RAVER2: variants seen among roughly 807,000 people sequenced by gnomAD.
RAVER2 encodes the protein ribonucleoprotein, PTB binding 2.
In RAVER2, 46 loss-of-function variants were observed where a neutral mutation model predicts 78.1. The ratio of observed to expected loss-of-function variants is 0.59; its 90% CI spans 0.46 to 0.75. The LOEUF (loss-of-function observed/expected upper bound fraction) is 0.75. RAVER2 is among the 30% of genes least tolerant of loss of function. The pLI is 0.00. For missense variants in RAVER2, 793 were observed against 837.5 expected, an observed-to-expected ratio of 0.95 and a Z score of 0.66; for synonymous variants, 311 against 313.3, an observed-to-expected ratio of 0.99 and a Z score of 0.08.
At chr1:64,777,481 A>C (rs1292927217) in intron 2 of RAVER2, 142 bp from the exon 3 acceptor site, 4 of 652,786 alleles carry the variant, frequency 6.1e-6, no homozygotes, top group African/African-American at 1.8e-5. Flanking sequence ...AATGCATTGC[A>C]TATAGTAGGG....
Position 64,828,120 on chromosome 1 carries a change from C to G in RAVER2, c.1930-2719C>G, listed in dbSNP as rs1654041408. On this transcript the variant is annotated intron_variant, in intron 11 of 11. Transcript: ENST00000294428. ...CTCCAAATCCTAACTCAGATGCTAT[C>G]TTATCCATGAAACCAGTGCCTGTAC... Among the ~76,000 whole-genome samples, 5 of 152,108 alleles carry G rather than the reference C, an allele frequency of 3.3e-5. 1 individual carries two copies. The South Asian group carries it at 1.0e-3, about 32-fold the overall frequency.
At chr1:64,747,835 A>G (rs1403657357) in intron 1 of RAVER2, among the ~76,000 whole-genome samples, 1 of 152,132 alleles carries the variant, frequency 6.6e-6, no homozygotes, top group African/African-American at 2.4e-5. Context: ...ATTTTAGAAT[A>G]TCACTTTAAG....
chr1:64,799,719 G>A (rs976134995), intron 5 of RAVER2, among the ~76,000 whole-genome samples: 14 of 152,150 alleles, frequency 9.2e-5, no homozygotes, highest in Admixed American at 9.2e-4. Flanking sequence ...GGGATTACAG[G>A]TGTGAGCCAC....
intron 4 of RAVER2, among the ~76,000 whole-genome samples, chr1:64,786,100 T>C (rs1652772898): frequency 6.6e-6 from 1 of 152,232 alleles, no homozygotes; most frequent in South Asian, 2.1e-4. Flanking sequence ...ATTAATTCAT[T>C]GTCTTCTTGA....
At chr1:64,779,468 A>C (rs776927807) in intron 3 of RAVER2, among the ~76,000 whole-genome samples, 1 of 152,028 alleles carries the variant, frequency 6.6e-6, no homozygotes, top group Non-Finnish European at 1.5e-5. Flanking sequence ...TCCTAGGTTC[A>C]AGCGATCTTC....
chr1:64,755,354 C>T (rs1230126666), intron 1 of RAVER2, among the ~76,000 whole-genome samples: 2 of 152,108 alleles, frequency 1.3e-5, no homozygotes, highest in Non-Finnish European at 2.9e-5. Flanking sequence ...GGTTTGTAAA[C>T]TTATTTCCCA....
intron 1 of RAVER2, among the ~76,000 whole-genome samples, chr1:64,756,259 A>G (rs988879670): frequency 1.3e-5 from 2 of 152,144 alleles, no homozygotes; most frequent in Non-Finnish European, 2.9e-5. Context: ...TTAAAGTGGT[A>G]TCTGCCAGGC....
chr1:64,750,789 T>C (rs1329530515), intron 1 of RAVER2, among the ~76,000 whole-genome samples: 1 of 152,232 alleles, frequency 6.6e-6, no homozygotes, highest in Non-Finnish European at 1.5e-5. Flanking sequence ...CAAAAGTTAC[T>C]TTTCTTAGTG....
At chr1:64,749,648 A>AT in intron 1 of RAVER2, among the ~76,000 whole-genome samples, 1 of 152,342 alleles carries the variant, frequency 6.6e-6, no homozygotes, top group South Asian at 2.1e-4. Context: ...AGTGAATAAT[A>AT]TTTATAATTA....
At chr1:64,777,968 A>G in exon 3 of RAVER2, 1 of 1,614,080 alleles carries the variant, frequency 6.2e-7, no homozygotes, top group Non-Finnish European at 8.5e-7. Context: ...ATGGATGTTA[A>G]TCTATTGGCT....
At chr1:64,795,069 GATA>G (rs1653059735) in intron 5 of RAVER2, among the ~76,000 whole-genome samples, 1 of 151,928 alleles carries the variant, frequency 6.6e-6, no homozygotes. Context: ...TGTTTAGAAA[GATA>G]ATGTTTCATT....
chr1:64,797,225 C>A (rs1039698510), intron 5 of RAVER2, among the ~76,000 whole-genome samples: 3 of 152,174 alleles, frequency 2.0e-5, no homozygotes, highest in African/African-American at 7.2e-5. Flanking sequence ...GTTAGATCAA[C>A]ATGGTTGATA....
At chr1:64,800,730 CT>C (rs1353595908) in intron 5 of RAVER2, among the ~76,000 whole-genome samples, 1 of 152,140 alleles carries the variant, frequency 6.6e-6, no homozygotes, top group Non-Finnish European at 1.5e-5. Context: ...ATTATCATAA[CT>C]TTCCTAAAAT....
intron 1 of RAVER2, among the ~76,000 whole-genome samples, chr1:64,767,160 T>A (rs891219756): frequency 1.3e-5 from 2 of 151,546 alleles, no homozygotes; most frequent in African/African-American, 2.4e-5. Context: ...TATATCACTC[T>A]TTTCTCCCTC....
At chr1:64,829,681 C>T (rs1482381096) in intron 11 of RAVER2, among the ~76,000 whole-genome samples, 1 of 152,152 alleles carries the variant, frequency 6.6e-6, no homozygotes, top group Non-Finnish European at 1.5e-5. Flanking sequence ...TGCTTCCCTT[C>T]TAACATTCTA....
intron 1 of RAVER2, among the ~76,000 whole-genome samples, chr1:64,756,978 T>A (rs1230503090): frequency 6.6e-6 from 1 of 152,242 alleles, no homozygotes; most frequent in Non-Finnish European, 1.5e-5. Context: ...AGGGGGTACA[T>A]GACATTAACA....
chr1:64,819,503 A>C (rs903294570), intron 11 of RAVER2, among the ~76,000 whole-genome samples: 1 of 152,206 alleles, frequency 6.6e-6, no homozygotes, highest in African/African-American at 2.4e-5. Context: ...AATATCAAGC[A>C]GTCTAAAATG....
chr1:64,831,191 C>T (rs577345801), exon 12 of RAVER2: 1 of 414,216 alleles, frequency 2.4e-6, no homozygotes, highest in African/African-American at 2.0e-5. Context: ...CCACTAGAGT[C>T]AGATGCATCT....
chr1:64,812,741 G>A lies in RAVER2; in HGVS notation c.1684G>A (p.Ala562Thr), dbSNP rs759384102. The stretch of plus-strand genomic sequence containing the variant: ...CTCCTTTGTTTTTGTTAAATAGGCT[G>A]CCTCTAAGAATCAAACTTCACTCTT... Residue 562 changes from alanine to threonine, a missense_variant, in exon 10 of 12, where the codon GCC (alanine) becomes ACC (threonine). Physicochemically the swap from Ala to Thr is moderately conservative, Grantham distance 58. Coordinates refer to ENST00000294428, the Ensembl canonical transcript of RAVER2. 5.0e-6 allele frequency: 8 copies of A among 1,608,128 alleles called. No individual in the cohort carries two copies. The South Asian group carries it at 7.8e-5, about 16-fold the overall frequency.
Sources: allele counts gnomAD v4.1 joint callset (sites outside exome capture counted in the v4.1 genomes callset), GRCh38; gene constraint gnomAD v4.1.1; transcripts MANE v1.5; gene names NCBI Gene and HGNC (gene_info 2026-07-23, HGNC 2026-07-21).